The following NCOA2 variants were observed in gnomAD, a reference collection of about 807,000 sequenced individuals.
NCOA2 encodes nuclear receptor coactivator 2.
Under a neutral mutation model 145.1 loss-of-function variants are expected in NCOA2, and 21 were observed. The ratio of observed to expected loss-of-function variants is 0.14; its 90% confidence interval spans 0.10 to 0.21. The LOEUF is 0.21. Ranked by LOEUF, NCOA2 falls within the 10% of genes least tolerant of loss-of-function variation. The pLI is 1.00. For synonymous variants in NCOA2, 619 were observed against 637.5 expected, an observed-to-expected ratio of 0.97 and a Z score of 0.44; for missense variants, 1,472 against 1,837.6, an observed-to-expected ratio of 0.80 and a Z score of 3.64.
At chr8:70,148,956 C>A (rs987448590) in intron 11 of NCOA2, among the ~76,000 whole-genome samples, 1 of 151,862 alleles carries the variant, frequency 6.6e-6, no homozygotes, top group Non-Finnish European at 1.5e-5. Context: ...ATTTAACAAA[C>A]AGTCATTTCC....
chr8:70,306,693 A>G (rs1201029750), intron 1 of NCOA2, among the ~76,000 whole-genome samples: 1 of 152,148 alleles, frequency 6.6e-6, no homozygotes, highest in East Asian at 1.9e-4. Context: ...AGCCTGGGCA[A>G]CAAGGCGAAA....
intron 2 of NCOA2, among the ~76,000 whole-genome samples, chr8:70,257,925 TTTC>T (rs1484990482): frequency 6.6e-6 from 1 of 152,142 alleles, no homozygotes; most frequent in Non-Finnish European, 1.5e-5. Context: ...TCTTTTCTTT[TTTC>T]TTTTTTTGAG....
chr8:70,130,943 T>A (rs948268613), intron 16 of NCOA2, among the ~76,000 whole-genome samples: 2 of 152,264 alleles, frequency 1.3e-5, no homozygotes, highest in African/African-American at 4.8e-5. Context: ...TTCAAGGGAC[T>A]ATGTTAGGTT....
chr8:70,268,290 C>A (rs761700568), intron 2 of NCOA2, among the ~76,000 whole-genome samples: 5 of 152,126 alleles, frequency 3.3e-5, no homozygotes, highest in Admixed American at 1.3e-4. Context: ...AAGTCCACTG[C>A]CCATCTTTGA....
the NCOA2 span, among the ~76,000 whole-genome samples, chr8:70,416,791 C>G: frequency 1.3e-5 from 2 of 152,098 alleles, no homozygotes; most frequent in African/African-American, 2.4e-5. Context: ...CAAACTTGCC[C>G]TTTATAATGA....
At chr8:70,330,254 G>A (rs1806976034) in intron 1 of NCOA2, among the ~76,000 whole-genome samples, 1 of 149,158 alleles carries the variant, frequency 6.7e-6, no homozygotes, top group Admixed American at 6.7e-5. Flanking sequence ...TTTCTTATTT[G>A]CTTCAAATAA....
At chr8:70,388,104 G>A (rs1281961785) in intron 1 of NCOA2, among the ~76,000 whole-genome samples, 1 of 152,096 alleles carries the variant, frequency 6.6e-6, no homozygotes, top group East Asian at 1.9e-4. Context: ...ACCAAGTTTG[G>A]GATGGTATAT....
chr8:70,407,487 A>G (rs1814801601), upstream of NCOA2, among the ~76,000 whole-genome samples: 1 of 152,060 alleles, frequency 6.6e-6, no homozygotes, highest in Admixed American at 6.6e-5. Flanking sequence ...TTGTATTTCT[A>G]CTACTCTGAG....
chr8:70,448,632 T>C, the NCOA2 span, among the ~76,000 whole-genome samples: 1 of 152,204 alleles, frequency 6.6e-6, no homozygotes, highest in South Asian at 2.1e-4. Flanking sequence ...TTTTTTCCTT[T>C]GATACTGAGC....
At chr8:70,398,861 G>A (rs185312173) in intron 1 of NCOA2, among the ~76,000 whole-genome samples, 1 of 152,146 alleles carries the variant, frequency 6.6e-6, no homozygotes, top group African/African-American at 2.4e-5. Context: ...CAGAAATGTG[G>A]TCATTGATCA....
chr8:70,270,570 G>A (rs537965728), intron 2 of NCOA2, among the ~76,000 whole-genome samples: 1 of 152,194 alleles, frequency 6.6e-6, no homozygotes, highest in Non-Finnish European at 1.5e-5. Context: ...TGGCTGGCGG[G>A]GGTGGGGGGA....
chr8:70,125,808 A>C (rs1808346542), intron 19 of NCOA2, among the ~76,000 whole-genome samples: 1 of 152,202 alleles, frequency 6.6e-6, no homozygotes, highest in Admixed American at 6.5e-5. Flanking sequence ...GTTTCGAGGC[A>C]AACAGAATTT....
intron 2 of NCOA2, among the ~76,000 whole-genome samples, chr8:70,269,267 C>T (rs1340275891): frequency 2.0e-5 from 3 of 152,000 alleles, no homozygotes; most frequent in East Asian, 1.9e-4. Context: ...CTAAAGCAAA[C>T]GTGGGCAGGA....
intron 2 of NCOA2, among the ~76,000 whole-genome samples, chr8:70,261,932 A>G (rs1326041158): frequency 1.3e-5 from 2 of 152,166 alleles, no homozygotes; most frequent in African/African-American, 4.8e-5. Flanking sequence ...AAAAGTGGAT[A>G]CAGCAAACAG....
intron 1 of NCOA2, among the ~76,000 whole-genome samples, chr8:70,393,725 CT>C (rs1813410852): frequency 6.6e-6 from 1 of 152,188 alleles, no homozygotes; most frequent in South Asian, 2.1e-4. Flanking sequence ...CTGGGCTCCC[CT>C]TGTCTCCTGG....
chr8:70,238,230 T>C (rs1255312982), intron 2 of NCOA2, among the ~76,000 whole-genome samples: 1 of 152,156 alleles, frequency 6.6e-6, no homozygotes, highest in Non-Finnish European at 1.5e-5. Context: ...CCACATGTGT[T>C]AAAGGAATAT....
intron 1 of NCOA2, among the ~76,000 whole-genome samples, chr8:70,337,627 A>T (rs1807731929): frequency 6.6e-6 from 1 of 152,202 alleles, no homozygotes; most frequent in South Asian, 2.1e-4. Context: ...TATTTAGAAC[A>T]ATGCCTAGCC....
chr8:70,258,246 C>A (rs1421242309), intron 2 of NCOA2, among the ~76,000 whole-genome samples: 1 of 152,186 alleles, frequency 6.6e-6, no homozygotes, highest in African/African-American at 2.4e-5. Flanking sequence ...ACATCCTTGC[C>A]CTTTCTTCTC....
intron 2 of NCOA2, among the ~76,000 whole-genome samples, chr8:70,241,152 C>A (rs185658345): frequency 2.0e-5 from 3 of 152,152 alleles, no homozygotes; most frequent in Admixed American, 6.5e-5. Context: ...GTTTTTATAC[C>A]TGAATGCTCC....
Sources: allele counts gnomAD v4.1 joint callset (sites outside exome capture counted in the v4.1 genomes callset), GRCh38; gene constraint gnomAD v4.1.1; transcripts MANE v1.5; gene names NCBI Gene and HGNC (gene_info 2026-07-23, HGNC 2026-07-21).